The following FARP1 variants were observed in gnomAD, a reference collection of about 807,000 sequenced individuals.
FARP1 encodes FERM, ARH/RhoGEF and pleckstrin domain protein 1, also known as FERM, ARHGEF and pleckstrin domain-containing protein 1.
FARP1 carries 52 observed loss-of-function variants against 128.8 expected under a neutral mutation model. The observed-to-expected ratio is 0.40, with a 90% confidence interval of 0.32 to 0.51. The LOEUF is 0.51. FARP1 is among the 20% of genes least tolerant of loss of function. The pLI, the probability that FARP1 is intolerant of heterozygous loss-of-function variation, is 0.45. For synonymous variants in FARP1, 580 were observed against 551.8 expected, an observed-to-expected ratio of 1.05 and a Z score of -0.72; for missense variants, 1,333 against 1,367.9, an observed-to-expected ratio of 0.97 and a Z score of 0.40.
intron 16 of FARP1, among the ~76,000 whole-genome samples, chr13:98,416,371 TCAA>T (rs2140131682): frequency 6.6e-6 from 1 of 152,300 alleles, no homozygotes; most frequent in Admixed American, 6.5e-5. Flanking sequence ...TATACTTCCA[TCAA>T]CAGTGGGGAA....
At chr13:98,416,280 C>T (rs1485295881) in intron 16 of FARP1, among the ~76,000 whole-genome samples, 2 of 152,116 alleles carry the variant, frequency 1.3e-5, no homozygotes, top group African/African-American at 2.4e-5. Flanking sequence ...GTATAATATG[C>T]AGCAAAAGTT....
In FARP1 at chr13:98,255,461, A is replaced by G. The variant is rs142411081; in HGVS notation, c.171+42048A>G. Among the ~76,000 whole-genome samples, 110 of 152,248 alleles carry G rather than the reference A, an allele frequency of 7.2e-4. 1 individual carries two copies. The East Asian group carries it at 0.019, about 26-fold the overall frequency. On this transcript the variant is annotated intron_variant, in intron 2 of 26. Transcript: ENST00000319562. ...GCTTGCAGTGAGCCGAGATTGCGCC[A>G]CTGCACTCAAGCCCGGGCAACAGAG...
intron 1 of FARP1, among the ~76,000 whole-genome samples, chr13:98,163,909 A>G (rs1022205807): frequency 1.3e-5 from 2 of 152,000 alleles, no homozygotes; most frequent in Non-Finnish European, 2.9e-5. Context: ...AGGTTTCACC[A>G]TGTTGGCCAG....
chr13:98,225,955 C>A (rs993955881), intron 2 of FARP1, among the ~76,000 whole-genome samples: 1 of 152,128 alleles, frequency 6.6e-6, no homozygotes, highest in Non-Finnish European at 1.5e-5. Context: ...GGTTGGAAGT[C>A]CCTGCTGGCA....
chr13:98,417,609 C>G (rs1011961982), intron 16 of FARP1, among the ~76,000 whole-genome samples: 2 of 152,032 alleles, frequency 1.3e-5, no homozygotes, highest in African/African-American at 4.8e-5. Flanking sequence ...GGAGGAAGTC[C>G]TGCAGGGGTA....
In FARP1 at chr13:98,226,353, C is replaced by T. The variant is rs192141265; in HGVS notation, c.171+12940C>T. Among the ~76,000 whole-genome samples the T allele has an allele frequency of 1.6e-3, 250 of 152,262 alleles. 1 individual carries two copies. The highest frequency in any genetic ancestry group is 5.7e-3 in the African/African-American group (235 of 41,540). ...CAAGTGTTTCTGTATTTTCCCCTTT[C>T]GTAAGGACATGGTCATATTAGATTA... On this transcript the variant is annotated intron_variant, in intron 2 of 26. Transcript: ENST00000319562.
chr13:98,207,331 A>G (rs1416245270), intron 1 of FARP1, among the ~76,000 whole-genome samples: 1 of 152,198 alleles, frequency 6.6e-6, no homozygotes, highest in African/African-American at 2.4e-5. Flanking sequence ...GACTAACTCA[A>G]TTAAATTTTT....
intron 1 of FARP1, among the ~76,000 whole-genome samples, chr13:98,158,752 G>A (rs1358177402): frequency 2.0e-5 from 3 of 152,300 alleles, no homozygotes; most frequent in Non-Finnish European, 4.4e-5. Context: ...GACTGTAGGG[G>A]CTAAGAGACT....
intron 2 of FARP1, among the ~76,000 whole-genome samples, chr13:98,214,891 C>T (rs527774763): frequency 4.6e-5 from 7 of 152,310 alleles, no homozygotes; most frequent in Middle Eastern, 3.4e-3. Context: ...CCACCTCACC[C>T]ACTTTTTTGT....
In FARP1 at chr13:98,395,273, C is replaced by G; in HGVS notation, c.1211C>G (p.Pro404Arg). 6.2e-7 allele frequency: 1 copy of G among 1,607,582 alleles called. No individual in the cohort carries two copies. Among genetic ancestry groups the G allele is most frequent in the Non-Finnish European group, 8.5e-7 (1 of 1,174,898 alleles). Residue 404 changes from proline to arginine, a missense_variant, in exon 13 of 27, where the codon CCA becomes CGA. Physicochemically the swap from Pro to Arg is moderately radical, Grantham distance 103. Coordinates refer to ENST00000319562, the MANE Select transcript of FARP1 (RefSeq NM_005766.4). ...SLTFGEGAES[P>R]GGQSCRRGKE... ...ACATTTGGAGAAGGTGCCGAATCTC[C>G]AGGGGGCCAGAGCTGCCGGCGAGGA...
At chr13:98,227,095 C>T (rs1881832220) in intron 2 of FARP1, among the ~76,000 whole-genome samples, 2 of 152,142 alleles carry the variant, frequency 1.3e-5, no homozygotes, top group South Asian at 4.1e-4. Flanking sequence ...CGCCCGCCAC[C>T]ATGCCCGGCT....
chr13:98,222,710 C>T (rs1881491173), intron 2 of FARP1, among the ~76,000 whole-genome samples: 1 of 151,906 alleles, frequency 6.6e-6, no homozygotes, highest in Non-Finnish European at 1.5e-5. Context: ...CAACCTCCGC[C>T]TCCCGGGTTC....
intron 20 of FARP1, 37 bp from the exon 21 acceptor site, chr13:98,439,070 A>G: frequency 6.4e-7 from 1 of 1,556,580 alleles, no homozygotes; most frequent in Non-Finnish European, 8.8e-7. Context: ...TGCTGTCCAA[A>G]CGTGGTCTCA....
intron 1 of FARP1, among the ~76,000 whole-genome samples, 177 bp from the exon 2 acceptor site, chr13:98,213,043 A>G (rs763224679): frequency 2.0e-5 from 3 of 152,162 alleles, no homozygotes; most frequent in South Asian, 4.1e-4. Flanking sequence ...TGCAAAAAGT[A>G]TTTGCATGCC....
intron 2 of FARP1, chr13:98,332,527 T>G (rs959462297): frequency 6.6e-6 from 1 of 152,200 alleles, no homozygotes; most frequent in Non-Finnish European, 1.5e-5. Flanking sequence ...TAAAAATGTT[T>G]GGGAAGTTTT....
chr13:98,351,367 C>T (rs1888413804), intron 3 of FARP1, among the ~76,000 whole-genome samples: 1 of 152,278 alleles, frequency 6.6e-6, no homozygotes, highest in East Asian at 1.9e-4. Context: ...AATCCCAGCA[C>T]TTTGCGAGGC....
chr13:98,277,778 T>A (rs1304665228), intron 2 of FARP1, among the ~76,000 whole-genome samples: 1 of 152,244 alleles, frequency 6.6e-6, no homozygotes, highest in Non-Finnish European at 1.5e-5. Context: ...TGGTTCTTCA[T>A]GCCAGCTGCC....
At position 98,452,906 on chromosome 13, in the gene FARP1, A is replaced by C. The variant is rs186790612; in HGVS notation, c.*4589A>C. ...AAAGACACTTTCCTGGAATATGTGC[A>C]CTATGGTTAAAATTAAAAACAAAAG... is the stretch of plus-strand genomic sequence containing the variant. On this transcript the variant is annotated 3_prime_UTR_variant, in exon 27 of 27. Transcript: ENST00000319562. 4.9e-5 allele frequency: 19 copies of C among 387,062 alleles called. No individual in the cohort carries two copies. The highest frequency in any genetic ancestry group is 3.3e-4 in the African/African-American group (16 of 48,246). 24.0% of individuals were successfully genotyped at this position (387,062 alleles called of 1,614,324 possible).
At chr13:98,272,191 G>A (rs2389987) in intron 2 of FARP1, among the ~76,000 whole-genome samples, 127,430 of 151,948 alleles carry the variant, frequency 0.84, 53,570 homozygotes, top group East Asian at 1. Context: ...CACCACGCCA[G>A]TCTAGTTTTT....
Sources: allele counts gnomAD v4.1 joint callset (sites outside exome capture counted in the v4.1 genomes callset), GRCh38; gene constraint gnomAD v4.1.1; transcripts MANE v1.5; gene names NCBI Gene and HGNC (gene_info 2026-07-23, HGNC 2026-07-21).